C7orf57: variants seen among roughly 807,000 people sequenced by gnomAD.
C7orf57 encodes chromosome 7 open reading frame 57.
Under a neutral mutation model 39.0 loss-of-function variants are expected in C7orf57, and 33 were observed. The ratio of observed to expected loss-of-function variants is 0.85; its 90% confidence interval spans 0.64 to 1.13. C7orf57 has a LOEUF of 1.13. C7orf57 is among the 50% of genes most tolerant of loss of function. The pLI is 0.00. For missense variants in C7orf57, 346 were observed against 362.3 expected, an observed-to-expected ratio of 0.95 and a Z score of 0.37; for synonymous variants, 124 against 137.1, an observed-to-expected ratio of 0.90 and a Z score of 0.67.
At chr7:48,054,102 C>T (rs1366360227) in intron 7 of C7orf57, among the ~76,000 whole-genome samples, 1 of 152,186 alleles carries the variant, frequency 6.6e-6, no homozygotes, top group Non-Finnish European at 1.5e-5. Context: ...GTGACAAGTT[C>T]ATACTCAGTG....
At chr7:48,047,128 A>T (rs1332873285) in intron 5 of C7orf57, among the ~76,000 whole-genome samples, 1 of 152,168 alleles carries the variant, frequency 6.6e-6, no homozygotes, top group African/African-American at 2.4e-5. Flanking sequence ...AATGCAATGG[A>T]GAAAGTTGGA....
intron 3 of C7orf57, 50 bp downstream of exon 3, chr7:48,041,569 G>C: frequency 2.1e-6 from 3 of 1,416,296 alleles, no homozygotes; most frequent in Non-Finnish European, 2.8e-6. Flanking sequence ...GGGCGGTGAG[G>C]GGGGCGTTTG....
In C7orf57 at chr7:48,061,185, G is replaced by A. The variant is rs1188175843; in HGVS notation, c.*913G>A. On this transcript the variant is annotated 3_prime_UTR_variant, in exon 9 of 9. Transcript: ENST00000348904. ...AGTTCTCTATATGAGATACTTAATCGAGCATATATATTTATATTCATTGAT... is the reference window on the plus strand; with the variant it reads ...AGTTCTCTATATGAGATACTTAATCAAGCATATATATTTATATTCATTGAT... 3 of 151,962 alleles carry A rather than the reference G, an allele frequency of 2.0e-5. No homozygotes were observed. Among genetic ancestry groups the A allele is most frequent in the Admixed American group, 1.3e-4 (2 of 15,256 alleles). 9.4% of individuals were successfully genotyped at this position (151,962 alleles called of 1,614,324 possible).
At chr7:48,050,795 A>C (rs549096159) in intron 6 of C7orf57, among the ~76,000 whole-genome samples, 1 of 152,292 alleles carries the variant, frequency 6.6e-6, no homozygotes, top group East Asian at 1.9e-4. Flanking sequence ...TCAGCCTCCC[A>C]AGTAGCTGGG....
chr7:48,041,326 C>T lies in C7orf57; in HGVS notation c.56-8C>T. 6.2e-7 allele frequency: 1 copy of T among 1,609,026 alleles called. No individual in the cohort carries two copies. The highest frequency in any genetic ancestry group is 1.3e-5 in the African/African-American group (1 of 74,870). ...AACAGTGTGGCCCTCCGCCTCTCTC[C>T]TCTATAGATTGGTATTACCACGTCC... On this transcript the variant is annotated splice_region_variant and splice_polypyrimidine_tract_variant and intron_variant, in intron 2 of 8. Coordinates refer to ENST00000348904, the MANE Select transcript of C7orf57 (RefSeq NM_001100159.3).
intron 6 of C7orf57, among the ~76,000 whole-genome samples, chr7:48,051,726 C>CTTTTTCTCTTTTCTT (rs144680412): frequency 3.1e-5 from 3 of 97,334 alleles, no homozygotes; most frequent in South Asian, 4.0e-4. Flanking sequence ...TTCTTTCTTT[C>CTTTTTCTCTTTTCTT]TCTTTTTCTT....
At chr7:48,040,926 C>T (rs139453371) in intron 2 of C7orf57, among the ~76,000 whole-genome samples, 12 of 152,316 alleles carry the variant, frequency 7.9e-5, no homozygotes, top group African/African-American at 2.6e-4. Flanking sequence ...TTACCCATAA[C>T]GTTTTAAGTG....
rs752575851 is a variant in C7orf57, at chr7:48,060,594, G to T, written c.*322G>T. The T allele has an allele frequency of 1.5e-5, 3 of 194,526 alleles. No homozygotes were observed. Among genetic ancestry groups the T allele is most frequent in the Non-Finnish European group, 3.1e-5 (3 of 96,310 alleles). 12.0% of individuals were successfully genotyped at this position (194,526 alleles called of 1,614,324 possible). A position where few individuals can be genotyped will look rare whatever the true frequency, so the allele number is the denominator to read the frequency against. On this transcript the variant is annotated 3_prime_UTR_variant, in exon 9 of 9. Transcript: ENST00000348904. ...CTATTGTGTGAACCACTCTTAGCAG[G>T]CATTGCTACTGGATTCTTAACTAGA...
chr7:48,049,007 A>G (rs1018883301), intron 5 of C7orf57, among the ~76,000 whole-genome samples: 3 of 152,130 alleles, frequency 2.0e-5, no homozygotes, highest in Non-Finnish European at 2.9e-5. Flanking sequence ...AGCCAGGAAG[A>G]TGCCAGGCCC....
rs867255963 is a variant in C7orf57 at position 48,060,220 on chromosome 7, T to C, written c.842-6T>C. ...TGTCTACTCATTTATTTACTTTGTG[T>C]TGCAGGCCCAGAAGAATCTGTATCT... On this transcript the variant is annotated splice_region_variant and splice_polypyrimidine_tract_variant and intron_variant, in intron 8 of 8. Transcript: ENST00000348904. 2.0e-6 allele frequency: 3 copies of C among 1,524,538 alleles called. No homozygotes were observed. The highest frequency in any genetic ancestry group is 1.7e-4 in the Middle Eastern group (1 of 5,820). The allele number at this position is 1,524,538 out of a possible 1,614,324, so 94.4% of individuals were successfully genotyped here.
At chr7:48,039,628 CT>C (rs1422964336) in intron 2 of C7orf57, among the ~76,000 whole-genome samples, 5 of 152,156 alleles carry the variant, frequency 3.3e-5, no homozygotes, top group African/African-American at 1.2e-4. Context: ...ATCTAAAAAA[CT>C]TCATAGACAC....
chr7:48,046,092 CT>C (rs1195129148), intron 4 of C7orf57, among the ~76,000 whole-genome samples: 1 of 151,974 alleles, frequency 6.6e-6, no homozygotes, highest in African/African-American at 2.4e-5. Context: ...AGTGGGCCTC[CT>C]GATCCTGGGA....
At chr7:48,054,775 A>G (rs1290231119) in intron 8 of C7orf57, among the ~76,000 whole-genome samples, 169 bp downstream of exon 8, 5 of 152,214 alleles carry the variant, frequency 3.3e-5, no homozygotes, top group Non-Finnish European at 7.3e-5. Context: ...GCTTTAAAAA[A>G]ATCAGAGTTC....
chr7:48,052,677 A>G (rs111333180), intron 6 of C7orf57, 23 bp from the exon 7 acceptor site: 4 of 1,598,664 alleles, frequency 2.5e-6, no homozygotes, highest in Non-Finnish European at 3.4e-6. Flanking sequence ...CTTAAGTTTC[A>G]CATTACTTTT....
intron 6 of C7orf57, among the ~76,000 whole-genome samples, chr7:48,051,916 C>T (rs1790960334): frequency 8.5e-6 from 1 of 117,056 alleles, no homozygotes; most frequent in South Asian, 2.9e-4. Flanking sequence ...TTTCTTTTCT[C>T]TTCTCTTTCT....
intron 2 of C7orf57, among the ~76,000 whole-genome samples, chr7:48,039,831 CT>C (rs1230952765): frequency 2.1e-5 from 1 of 47,500 alleles, no homozygotes; most frequent in Non-Finnish European, 4.2e-5. Context: ...CATACTGCCC[CT>C]GTGACAGTAC....
At chr7:48,041,185 A>G (rs1031953442) in intron 2 of C7orf57, 149 bp from the exon 3 acceptor site, 1 of 610,596 alleles carries the variant, frequency 1.6e-6, no homozygotes, top group South Asian at 3.0e-5. Flanking sequence ...CAGTAACCCA[A>G]AAGAGGGCAT....
intron 3 of C7orf57, among the ~76,000 whole-genome samples, chr7:48,042,788 T>C (rs1315102144): frequency 1.3e-5 from 2 of 152,196 alleles, no homozygotes; most frequent in Non-Finnish European, 2.9e-5. Flanking sequence ...GCTGTCCTTA[T>C]GATCAAGAAA....
In C7orf57 at chr7:48,059,001, C is replaced by T. The variant is rs537714292; in HGVS notation, c.842-1225C>T. ...AAGGCCTAAATAAGCAGCAAAGCCCCTAAGAGCTGGAAGAATCGTCATGTG... is the reference window on the plus strand; with the variant it reads ...AAGGCCTAAATAAGCAGCAAAGCCCTTAAGAGCTGGAAGAATCGTCATGTG... On this transcript the variant is annotated intron_variant, in intron 8 of 8. Transcript: ENST00000348904. Among the ~76,000 whole-genome samples, 15 of 152,288 alleles carry T rather than the reference C, an allele frequency of 9.8e-5. No individual in the cohort carries two copies. In the South Asian group the frequency reaches 1.0e-3, roughly 11 times the overall value.
Sources: gnomAD v4.1 joint callset for allele counts (sites outside exome capture counted in the v4.1 genomes callset) on GRCh38, gnomAD v4.1.1 for gene constraint, MANE v1.5 for transcripts, NCBI Gene and HGNC (gene_info 2026-07-23, HGNC 2026-07-21) for gene names.